Variants in AKAP13 observed in about 807,000 individuals in gnomAD.
The protein encoded by AKAP13 is A-kinase anchoring protein 13.
AKAP13 carries 80 observed loss-of-function variants against 264.5 expected under a neutral mutation model. The ratio of observed to expected loss-of-function variants is 0.30; its 90% confidence interval spans 0.25 to 0.36. The LOEUF is 0.36. Among genes scored for constraint, AKAP13 ranks in the 10% least tolerant of loss-of-function variants. AKAP13 has a pLI of 1.00. For synonymous variants in AKAP13, 1,380 were observed against 1,250.2 expected, an observed-to-expected ratio of 1.10 and a Z score of -2.19; for missense variants, 3,712 against 3,435.2, an observed-to-expected ratio of 1.08 and a Z score of -2.01.
chr15:85,530,193 G>C (rs10468112), intron 3 of AKAP13, among the ~76,000 whole-genome samples: 79,304 of 151,978 alleles, frequency 0.52, 21,115 homozygotes, highest in Middle Eastern at 0.62. Context: ...CCCATCCCGC[G>C]TTGTTCTGTT....
intron 32 of AKAP13, 122 bp from the exon 33 acceptor site, chr15:85,735,968 C>A: frequency 1.2e-6 from 1 of 846,838 alleles, no homozygotes; most frequent in East Asian, 2.5e-5. Context: ...CTTAAACCTT[C>A]ACTACCTTAG....
At chr15:85,531,748 C>T (rs1426182910) in intron 3 of AKAP13, among the ~76,000 whole-genome samples, 2 of 152,152 alleles carry the variant, frequency 1.3e-5, no homozygotes, top group African/African-American at 4.8e-5. Context: ...AGAAAGAATT[C>T]GACTTGGAAG....
chr15:85,413,231 T>A (rs921315719), intron 1 of AKAP13, among the ~76,000 whole-genome samples: 1 of 152,224 alleles, frequency 6.6e-6, no homozygotes, highest in Non-Finnish European at 1.5e-5. Flanking sequence ...CACGTAGTCT[T>A]GTACTGTTTT....
At chr15:85,461,367 C>T (rs557127220) in intron 1 of AKAP13, among the ~76,000 whole-genome samples, 10 of 152,298 alleles carry the variant, frequency 6.6e-5, no homozygotes, top group South Asian at 2.1e-4. Context: ...CTGCCCGCCT[C>T]GGCCTCCCAG....
intron 14 of AKAP13, among the ~76,000 whole-genome samples, chr15:85,676,418 A>G (rs1450584370): frequency 6.6e-6 from 1 of 152,220 alleles, no homozygotes; most frequent in Admixed American, 6.5e-5. Context: ...CACTAAATGA[A>G]GGAACACAGG....
At chr15:85,434,731 G>C (rs1316563986) in intron 1 of AKAP13, among the ~76,000 whole-genome samples, 3 of 152,074 alleles carry the variant, frequency 2.0e-5, no homozygotes, top group Non-Finnish European at 4.4e-5. Flanking sequence ...CACACGGCAG[G>C]GTATTCTAAC....
chr15:85,711,013 T>C (rs2086605857), intron 19 of AKAP13, among the ~76,000 whole-genome samples: 1 of 151,342 alleles, frequency 6.6e-6, no homozygotes, highest in African/African-American at 2.4e-5. Context: ...TGTTAAACTT[T>C]TTTTTTTTTA....
chr15:85,608,874 C>T (rs1181188738), intron 8 of AKAP13, among the ~76,000 whole-genome samples: 1 of 152,178 alleles, frequency 6.6e-6, no homozygotes. Context: ...TTTGTACTGC[C>T]TTTCTGAATG....
chr15:85,430,741 C>T (rs924179378), intron 1 of AKAP13, among the ~76,000 whole-genome samples: 7 of 152,100 alleles, frequency 4.6e-5, no homozygotes, highest in African/African-American at 1.7e-4. Flanking sequence ...CTACCATATA[C>T]GGGGCGTCAT....
At chr15:85,463,023 CAA>C (rs35565608) in intron 1 of AKAP13, among the ~76,000 whole-genome samples, 8 of 65,168 alleles carry the variant, frequency 1.2e-4, no homozygotes, top group African/African-American at 3.6e-4. Context: ...GACTCCGTCT[CAA>C]AAAAAAAAAA....
intron 2 of AKAP13, among the ~76,000 whole-genome samples, chr15:85,488,346 TC>T (rs2075625383): frequency 6.6e-6 from 1 of 152,230 alleles, no homozygotes; most frequent in Non-Finnish European, 1.5e-5. Flanking sequence ...TTTTGAGGAC[TC>T]TTGTGTCTAT....
At chr15:85,717,131 T>C (rs1274521590) in intron 20 of AKAP13, 159 bp from the exon 21 acceptor site, 2 of 541,508 alleles carry the variant, frequency 3.7e-6, no homozygotes, top group East Asian at 3.3e-5. Flanking sequence ...TACCAGGCCA[T>C]GTGCATGTTG....
chr15:85,581,448 A>G lies in AKAP13; in HGVS notation c.3380A>G (p.Asn1127Ser), dbSNP rs2079141071. 2 of 1,614,236 alleles carry G rather than the reference A, an allele frequency of 1.2e-6. No individual in the cohort carries two copies. The highest frequency in any genetic ancestry group is 1.6e-4 in the Middle Eastern group (1 of 6,062). ...AACGTCTTGTTGAGCCAAGAGAAGA[A>G]TGCCGTTCTAGGTTTGCCAGTGGCT... Reference protein sequence around the residue: ...IPNVLLSQEKNAVLGLPVALQ... With the variant: ...IPNVLLSQEKSAVLGLPVALQ... Residue 1127 changes from asparagine (N) to serine (S), a missense_variant, in exon 7 of 37, where the codon AAT (asparagine) becomes AGT (serine). Asn to Ser is a conservative substitution (Grantham distance 46). This residue lies in a region of AKAP13 where 2,759 missense variants were observed against 2,411.7 expected (regional missense o/e 1.14). Coordinates refer to ENST00000394518, the MANE Select transcript of AKAP13 (RefSeq NM_007200.5).
chr15:85,592,779 C>G (rs1567144757), intron 8 of AKAP13, among the ~76,000 whole-genome samples: 1 of 152,002 alleles, frequency 6.6e-6, no homozygotes, highest in South Asian at 2.1e-4. Flanking sequence ...ATTTTTAATA[C>G]AATTGTGGAA....
intron 1 of AKAP13, among the ~76,000 whole-genome samples, chr15:85,383,282 TAC>T (rs1445106039): frequency 6.6e-6 from 1 of 152,216 alleles, no homozygotes; most frequent in Admixed American, 6.5e-5. Context: ...TAGAAAAAAG[TAC>T]ACCCTTTGGA....
chr15:85,665,481 G>A (rs1308274845), intron 13 of AKAP13, among the ~76,000 whole-genome samples: 2 of 152,148 alleles, frequency 1.3e-5, no homozygotes, highest in Non-Finnish European at 2.9e-5. Flanking sequence ...TCCAGGAAAT[G>A]TCAGTTGATT....
chr15:85,547,996 C>G (rs943193078), intron 5 of AKAP13, among the ~76,000 whole-genome samples: 1 of 152,006 alleles, frequency 6.6e-6, no homozygotes, highest in Non-Finnish European at 1.5e-5. Flanking sequence ...GTCATGAATG[C>G]TAGGAAGTGA....
chr15:85,469,017 C>G lies in AKAP13; in HGVS notation c.-11-16693C>G, dbSNP rs189275138. On this transcript the variant is annotated intron_variant, in intron 1 of 36. Coordinates refer to ENST00000394518, the MANE Select transcript of AKAP13 (RefSeq NM_007200.5). ...GCAGCCTCTGCCTCCTGGGTTCAAGCAATTCTCCTGCCTCGGCCTCCCCAG... is the reference window on the plus strand; with the variant it reads ...GCAGCCTCTGCCTCCTGGGTTCAAGGAATTCTCCTGCCTCGGCCTCCCCAG... Among the ~76,000 whole-genome samples the G allele has an allele frequency of 3.1e-3, 420 of 136,972 alleles. 100 individuals carry two copies. Among genetic ancestry groups the G allele is most frequent in the African/African-American group, 0.012 (407 of 33,386 alleles). The allele number at this position is 136,972 out of a possible 152,430, so 89.9% of individuals were successfully genotyped here.
rs751642811 is a variant in AKAP13 at position 85,655,538 on chromosome 15, C to G, written c.4496C>G (p.Pro1499Arg). Residue 1499 changes from proline to arginine, a missense_variant, in exon 11 of 37, where the codon CCA becomes CGA. Pro to Arg is a moderately radical substitution (Grantham distance 103). Coordinates refer to ENST00000394518, the MANE Select transcript of AKAP13 (RefSeq NM_007200.5). Reference sequence around the variant, plus strand: ...GTGTCTCTCTCCCAGATTTTAAAGCCAAACAGGTCAAGAGATCGGCAAAGC... The same window carrying G: ...GTGTCTCTCTCCCAGATTTTAAAGCGAAACAGGTCAAGAGATCGGCAAAGC... ...SDVSLSQILK[P>R]NRSRDRQSLD... The G allele has an allele frequency of 1.9e-6, 3 of 1,614,084 alleles. No individual in the cohort carries two copies. The highest frequency in any genetic ancestry group is 1.1e-5 in the South Asian group (1 of 91,076).
Sources: gnomAD v4.1 joint callset for allele counts (sites outside exome capture counted in the v4.1 genomes callset) on GRCh38, gnomAD v4.1.1 for gene constraint, gnomAD v4.1.1 regional missense constraint, MANE v1.5 for transcripts, NCBI Gene and HGNC (gene_info 2026-07-23, HGNC 2026-07-21) for gene names.